PALM2AKAP2: variants seen among roughly 807,000 people sequenced by gnomAD.
The protein encoded by PALM2AKAP2 is PALM2-AKAP2 fusion protein.
In PALM2AKAP2, 37 loss-of-function variants were observed where a neutral mutation model predicts 71.5. The observed-to-expected ratio is 0.52, with a 90% confidence interval of 0.40 to 0.68. PALM2AKAP2 has a LOEUF of 0.68. PALM2AKAP2 is among the 30% of genes least tolerant of loss of function. The pLI is 0.00. For synonymous variants in PALM2AKAP2, 468 were observed against 478.8 expected, an observed-to-expected ratio of 0.98 and a Z score of 0.29; for missense variants, 1,224 against 1,191.8, an observed-to-expected ratio of 1.03 and a Z score of -0.40.
Position 110,105,531 on chromosome 9 carries a change from G to A in PALM2AKAP2, c.157-30596G>A, listed in dbSNP as rs558987745. Among the ~76,000 whole-genome samples the A allele has an allele frequency of 2.0e-5, 3 of 152,320 alleles. No homozygotes were observed. In the East Asian group the frequency reaches 5.8e-4, roughly 29 times the overall value. ...ACATGTGCACGCATACTGTATATAT[G>A]TCATTAGAAATAATTAGGAGTTAAT... On this transcript the variant is annotated intron_variant, in intron 1 of 3. Transcript: ENST00000374525.
intron 6 of PALM2AKAP2, among the ~76,000 whole-genome samples, chr9:109,954,399 T>C (rs1831705279): frequency 6.6e-6 from 1 of 151,898 alleles, no homozygotes; most frequent in African/African-American, 2.4e-5. Context: ...CTGTCCTGCT[T>C]TTCTCAAACA....
At chr9:109,875,484 C>T (rs917673787) in intron 2 of PALM2AKAP2, among the ~76,000 whole-genome samples, 1 of 152,166 alleles carries the variant, frequency 6.6e-6, no homozygotes, top group Admixed American at 6.5e-5. Context: ...GATAAGAGAG[C>T]CACTGCTCCT....
intron 1 of PALM2AKAP2, among the ~76,000 whole-genome samples, chr9:109,768,135 A>C (rs970072589): frequency 6.6e-6 from 1 of 151,170 alleles, no homozygotes; most frequent in African/African-American, 2.4e-5. Flanking sequence ...GAAAGAAAGA[A>C]ATGGAAGGAA....
At chr9:109,647,976 A>G (rs10979980) in intron 1 of PALM2AKAP2, among the ~76,000 whole-genome samples, 12,823 of 152,246 alleles carry the variant, frequency 0.084, 650 homozygotes, top group East Asian at 0.23. Context: ...CCCAAATATC[A>G]TCTCAAACTG....
At chr9:110,119,432 C>T (rs908931043) in intron 1 of PALM2AKAP2, among the ~76,000 whole-genome samples, 2 of 151,582 alleles carry the variant, frequency 1.3e-5, no homozygotes, top group East Asian at 1.9e-4. Flanking sequence ...GCAAAGATTG[C>T]GGCATTGGAG....
chr9:110,023,343 T>C (rs1833111079), intron 7 of PALM2AKAP2, among the ~76,000 whole-genome samples: 1 of 136,304 alleles, frequency 7.3e-6, no homozygotes, highest in Non-Finnish European at 1.6e-5. Flanking sequence ...AGATGGAGTT[T>C]CGCTCTTGTC....
At position 109,869,995 on chromosome 9, in the gene PALM2AKAP2, T is replaced by C. The variant is rs112358487; in HGVS notation, c.126+2424T>C. 8.3e-3 allele frequency among the ~76,000 whole-genome samples: 1,271 copies of C among 152,266 alleles called. 19 individuals are homozygous for C. Among genetic ancestry groups the C allele is most frequent in the African/African-American group, 0.029 (1,196 of 41,568 alleles). On this transcript the variant is annotated intron_variant, in intron 2 of 9. Transcript: ENST00000302798. ...AGGGTGAGTTATTTGCCTTGAATAC[T>C]GAAAAAGGAAAGCTCAGAGGTTCCA... is the stretch of plus-strand genomic sequence containing the variant.
chr9:110,122,301 A>T (rs1161114228), intron 1 of PALM2AKAP2, among the ~76,000 whole-genome samples: 1 of 152,188 alleles, frequency 6.6e-6, no homozygotes, highest in Non-Finnish European at 1.5e-5. Context: ...CAGCACTGGG[A>T]TTTTACAGGT....
intron 1 of PALM2AKAP2, 89 bp from the exon 2 acceptor site, chr9:109,867,402 G>A: frequency 6.9e-7 from 1 of 1,454,206 alleles, no homozygotes; most frequent in Non-Finnish European, 9.5e-7. Flanking sequence ...CTATACAGAT[G>A]TGTGCTGCTG....
intron 1 of PALM2AKAP2, among the ~76,000 whole-genome samples, chr9:110,049,819 T>TGGTGGCCG (rs1262085090): frequency 4.3e-4 from 65 of 152,336 alleles, no homozygotes; most frequent in African/African-American, 1.5e-3. Flanking sequence ...GCTGTGGCGC[T>TGGTGGCCG]GGTGGCCGGG....
chr9:110,149,799 A>T (rs1587863211), intron 2 of PALM2AKAP2, among the ~76,000 whole-genome samples: 1 of 152,348 alleles, frequency 6.6e-6, no homozygotes, highest in Non-Finnish European at 1.5e-5. Context: ...AATAATTTTT[A>T]AAAATACACA....
chr9:109,749,738 C>A (rs1280151637), intron 1 of PALM2AKAP2, among the ~76,000 whole-genome samples: 1 of 152,142 alleles, frequency 6.6e-6, no homozygotes, highest in Non-Finnish European at 1.5e-5. Context: ...AGACATTTGC[C>A]ACAAGTCACT....
At chr9:110,058,396 G>A (rs1364683332) in intron 1 of PALM2AKAP2, among the ~76,000 whole-genome samples, 2 of 152,066 alleles carry the variant, frequency 1.3e-5, no homozygotes, top group African/African-American at 4.8e-5. Context: ...CACCATTGAG[G>A]GTGCTACAAG....
intron 1 of PALM2AKAP2, among the ~76,000 whole-genome samples, chr9:109,674,427 T>G (rs960858947): frequency 5.3e-5 from 8 of 152,074 alleles, no homozygotes; most frequent in Admixed American, 5.2e-4. Context: ...AAATAATATA[T>G]TGAGGAGACC....
rs1283987889 is a variant in PALM2AKAP2 at position 109,841,404 on chromosome 9, A to G, written c.46-26087A>G. On this transcript the variant is annotated intron_variant, in intron 1 of 9. Transcript: ENST00000302798. The stretch of plus-strand genomic sequence containing the variant: ...GGGGGGAGGGATAGCATTAGGAGAT[A>G]TACCTAATGTAAATGATGAGTTAAT... Among the ~76,000 whole-genome samples the G allele has an allele frequency of 4.7e-5, 7 of 147,700 alleles. No individual in the cohort carries two copies. In the South Asian group the frequency reaches 1.6e-3, roughly 33 times the overall value.
At chr9:109,710,751 A>G (rs1354482243) in intron 1 of PALM2AKAP2, among the ~76,000 whole-genome samples, 1 of 152,132 alleles carries the variant, frequency 6.6e-6, no homozygotes, top group Non-Finnish European at 1.5e-5. Context: ...TGCAGGAGCA[A>G]TAAGGATACT....
intron 2 of PALM2AKAP2, among the ~76,000 whole-genome samples, chr9:109,869,290 T>G (rs940683326): frequency 6.6e-6 from 1 of 152,108 alleles, no homozygotes; most frequent in Admixed American, 6.5e-5. Context: ...TCCAGTGCAG[T>G]ATTAGTATAT....
intron 3 of PALM2AKAP2, among the ~76,000 whole-genome samples, chr9:110,167,922 T>A (rs1361389164): frequency 6.6e-6 from 1 of 152,174 alleles, no homozygotes; most frequent in East Asian, 1.9e-4. Flanking sequence ...TTAAAATTAA[T>A]TAAAATGAAA....
At chr9:110,097,753 C>T (rs1316736883) in intron 1 of PALM2AKAP2, among the ~76,000 whole-genome samples, 5 of 143,568 alleles carry the variant, frequency 3.5e-5, no homozygotes, top group South Asian at 2.2e-4. Flanking sequence ...ACTTCCCAGA[C>T]GGGGTGGCGG....
Sources: allele counts gnomAD v4.1 joint callset (sites outside exome capture counted in the v4.1 genomes callset), GRCh38; gene constraint gnomAD v4.1.1; transcripts MANE v1.5; gene names NCBI Gene and HGNC (gene_info 2026-07-23, HGNC 2026-07-21).